Variants in SYNPO2 observed in about 807,000 individuals in gnomAD.
SYNPO2 encodes the protein synaptopodin 2.
A neutral mutation model predicts 85.0 loss-of-function variants in SYNPO2; 56 were observed. That is an observed-to-expected ratio of 0.66 (90% CI 0.53 to 0.82). SYNPO2 has a LOEUF of 0.82. SYNPO2 is among the 40% of genes least tolerant of loss of function. SYNPO2 has a pLI of 0.00. For synonymous variants in SYNPO2, 602 were observed against 591.1 expected, an observed-to-expected ratio of 1.02 and a Z score of -0.27; for missense variants, 1,575 against 1,534.2, an observed-to-expected ratio of 1.03 and a Z score of -0.44.
intron 2 of SYNPO2, among the ~76,000 whole-genome samples, chr4:119,025,631 G>T (rs1010322769): frequency 2.0e-5 from 3 of 151,986 alleles, no homozygotes; most frequent in Non-Finnish European, 2.9e-5. Flanking sequence ...TTCAGCTGAC[G>T]TGCCTGCATG....
At chr4:118,998,792 T>G (rs1009397884) in intron 1 of SYNPO2, among the ~76,000 whole-genome samples, 1 of 152,234 alleles carries the variant, frequency 6.6e-6, no homozygotes, top group African/African-American at 2.4e-5. Context: ...TGTGAAGTAT[T>G]ATTCCAATAA....
chr4:118,939,729 A>C (rs1734236205), intron 1 of SYNPO2, among the ~76,000 whole-genome samples: 1 of 152,192 alleles, frequency 6.6e-6, no homozygotes, highest in South Asian at 2.1e-4. Context: ...AAATGCACAT[A>C]ATCTTCACTT....
At chr4:118,984,068 T>G (rs1736130774) in intron 1 of SYNPO2, among the ~76,000 whole-genome samples, 1 of 152,204 alleles carries the variant, frequency 6.6e-6, no homozygotes, top group Admixed American at 6.5e-5. Flanking sequence ...ATTTCCAGCC[T>G]TCATTTCATC....
intron 1 of SYNPO2, among the ~76,000 whole-genome samples, chr4:118,996,318 A>C (rs886516198): frequency 2.6e-5 from 4 of 152,180 alleles, no homozygotes. Flanking sequence ...AAGGTTTCCC[A>C]AAATGATCAG....
At chr4:119,015,423 G>C (rs1163177298) in intron 1 of SYNPO2, among the ~76,000 whole-genome samples, 1 of 152,090 alleles carries the variant, frequency 6.6e-6, no homozygotes, top group African/African-American at 2.4e-5. Context: ...TGAGACAAAT[G>C]CAGACTTCAT....
At chr4:118,851,858 G>A (rs1211374580) in intron 1 of SYNPO2, among the ~76,000 whole-genome samples, 1 of 144,594 alleles carries the variant, frequency 6.9e-6, no homozygotes, top group African/African-American at 2.7e-5. Flanking sequence ...TCTCATACAG[G>A]GATGTAGTTG....
At chr4:119,007,890 TTAA>T (rs533170920) in intron 1 of SYNPO2, among the ~76,000 whole-genome samples, 121 of 152,338 alleles carry the variant, frequency 7.9e-4, no homozygotes, top group Non-Finnish European at 1.1e-3. Context: ...TGTATATGTG[TTAA>T]TAGAGGAATA....
At chr4:119,006,736 T>C (rs1737044118) in intron 1 of SYNPO2, among the ~76,000 whole-genome samples, 1 of 152,190 alleles carries the variant, frequency 6.6e-6, no homozygotes, top group South Asian at 2.1e-4. Flanking sequence ...AAATTTAATT[T>C]TTTATGGATA....
intron 1 of SYNPO2, among the ~76,000 whole-genome samples, chr4:119,001,389 T>G (rs1736819152): frequency 6.6e-6 from 1 of 152,214 alleles, no homozygotes; most frequent in Non-Finnish European, 1.5e-5. Flanking sequence ...AAACAGCACT[T>G]TAATATTGTC....
chr4:118,851,178 CTAGTAACCCCAGCA>C (rs779939143), intron 1 of SYNPO2, among the ~76,000 whole-genome samples: 3 of 152,150 alleles, frequency 2.0e-5, no homozygotes, highest in Non-Finnish European at 4.4e-5. Context: ...TCACATTGTC[CTAGTAACCCCAGCA>C]TCATGAAATT....
At chr4:118,984,938 T>C (rs1736161443) in intron 1 of SYNPO2, among the ~76,000 whole-genome samples, 1 of 152,176 alleles carries the variant, frequency 6.6e-6, no homozygotes, top group Non-Finnish European at 1.5e-5. Flanking sequence ...CTGGCATCTT[T>C]TTGTCATTTA....
chr4:118,891,161 C>G (rs570245645), intron 1 of SYNPO2, among the ~76,000 whole-genome samples: 32 of 152,216 alleles, frequency 2.1e-4, no homozygotes, highest in Admixed American at 1.8e-3. Context: ...CTACACTCCC[C>G]CTAAATCATC....
intron 1 of SYNPO2, among the ~76,000 whole-genome samples, chr4:118,947,027 T>C (rs1249107597): frequency 6.6e-6 from 1 of 152,222 alleles, no homozygotes; most frequent in Non-Finnish European, 1.5e-5. Flanking sequence ...CAGCTAAAAT[T>C]CTTGAACCAA....
chr4:119,053,751 A>G (rs1739123643), intron 4 of SYNPO2, among the ~76,000 whole-genome samples: 1 of 152,212 alleles, frequency 6.6e-6, no homozygotes, highest in African/African-American at 2.4e-5. Flanking sequence ...GAAACACCAA[A>G]AAATAATTCC....
intron 1 of SYNPO2, among the ~76,000 whole-genome samples, chr4:119,012,475 C>T (rs1355962302): frequency 1.3e-5 from 2 of 148,836 alleles, no homozygotes; most frequent in African/African-American, 2.5e-5. Flanking sequence ...TGGTTTGCTG[C>T]ACCTATCAAC....
intron 1 of SYNPO2, among the ~76,000 whole-genome samples, chr4:118,924,766 A>G (rs1733658090): frequency 6.6e-6 from 1 of 152,172 alleles, no homozygotes; most frequent in Non-Finnish European, 1.5e-5. Context: ...TGGACAATCT[A>G]TCCTGCTGGT....
intron 1 of SYNPO2, among the ~76,000 whole-genome samples, chr4:118,859,870 A>G (rs1731580112): frequency 6.6e-6 from 1 of 152,222 alleles, no homozygotes; most frequent in Non-Finnish European, 1.5e-5. Context: ...ATAGTGCTGC[A>G]ATAAACATGA....
chr4:118,935,281 A>G (rs1226252801), intron 1 of SYNPO2, among the ~76,000 whole-genome samples: 2 of 152,230 alleles, frequency 1.3e-5, no homozygotes, highest in South Asian at 2.1e-4. Flanking sequence ...TGAATAAGCC[A>G]GTCTCAGAAA....
At chr4:118,947,093 T>C (rs1734529615) in intron 1 of SYNPO2, among the ~76,000 whole-genome samples, 1 of 152,234 alleles carries the variant, frequency 6.6e-6, no homozygotes, top group African/African-American at 2.4e-5. Flanking sequence ...TTTTATGTTT[T>C]ACAAGGGATT....
Sources: allele counts gnomAD v4.1 joint callset (sites outside exome capture counted in the v4.1 genomes callset), GRCh38; gene constraint gnomAD v4.1.1; transcripts MANE v1.5; gene names NCBI Gene and HGNC (gene_info 2026-07-23, HGNC 2026-07-21).